Variants in KIF24 observed in about 807,000 individuals in gnomAD.
KIF24 encodes the protein kinesin family member 24.
A neutral mutation model predicts 118.9 loss-of-function variants in KIF24; 81 were observed. That is an observed-to-expected ratio of 0.68 (90% CI 0.57 to 0.82). KIF24 has a LOEUF of 0.82. Among genes scored for constraint, KIF24 ranks in the 40% least tolerant of loss-of-function variants. The pLI, the probability that KIF24 is intolerant of heterozygous loss-of-function variation, is 0.00. For synonymous variants in KIF24, 599 were observed against 610.0 expected (o/e 0.98, Z 0.27); for missense variants, 1,560 against 1,661.6 (o/e 0.94, Z 1.06).
intron 1 of KIF24, among the ~76,000 whole-genome samples, chr9:34,327,220 T>G (rs1837698086): frequency 6.6e-6 from 1 of 152,096 alleles, no homozygotes. Flanking sequence ...GTGTTGAGGA[T>G]CTACACTGTG....
At chr9:34,259,366 CTT>C (rs933417434) in intron 10 of KIF24, among the ~76,000 whole-genome samples, 133 of 152,332 alleles carry the variant, frequency 8.7e-4, no homozygotes, top group African/African-American at 3.0e-3. Flanking sequence ...TCATTTTCCT[CTT>C]GTCATGCTTG....
chr9:34,270,297 A>G (rs968466003), intron 7 of KIF24, among the ~76,000 whole-genome samples: 6 of 151,948 alleles, frequency 3.9e-5, no homozygotes, highest in African/African-American at 1.5e-4. Flanking sequence ...CGGGCGGATC[A>G]TGAGGTCAGG....
At chr9:34,325,057 C>G (rs1408985760) in intron 1 of KIF24, among the ~76,000 whole-genome samples, 1 of 152,066 alleles carries the variant, frequency 6.6e-6, no homozygotes, top group Non-Finnish European at 1.5e-5. Flanking sequence ...ATGTGTCTTG[C>G]CCAGGCAGAG....
At chr9:34,295,720 T>C (rs933502431) in intron 4 of KIF24, among the ~76,000 whole-genome samples, 3 of 151,826 alleles carry the variant, frequency 2.0e-5, no homozygotes, top group Non-Finnish European at 4.4e-5. Flanking sequence ...TTGGTGTGTG[T>C]GGAGATAGGG....
intron 11 of KIF24, 97 bp downstream of exon 11, chr9:34,255,638 C>A (rs1424240547): frequency 4.6e-6 from 5 of 1,097,404 alleles, no homozygotes; most frequent in African/African-American, 3.2e-5. Context: ...ACCTGCGTAC[C>A]CCTGCATGGC....
At chr9:34,284,953 G>A (rs974218278) in intron 6 of KIF24, among the ~76,000 whole-genome samples, 1 of 152,046 alleles carries the variant, frequency 6.6e-6, no homozygotes, top group Admixed American at 6.6e-5. Flanking sequence ...CCAGGGTTGA[G>A]GAACACTGCA....
Position 34,309,487 on chromosome 9 carries a change from G to A in KIF24, c.623+1237C>T, listed in dbSNP as rs532708829. ...ACCCGGGAGGCGGAGCTTGCAGTGA[G>A]CAGAGATTGCACCACTGCACTCCAG... On this transcript the variant is annotated intron_variant, in intron 2 of 12. Coordinates refer to ENST00000402558, the MANE Select transcript of KIF24 (RefSeq NM_194313.4). Among the ~76,000 whole-genome samples, 154 of 144,840 alleles carry A rather than the reference G, an allele frequency of 1.1e-3. 1 individual carries two copies. Among genetic ancestry groups the A allele is most frequent in the Non-Finnish European group, 1.7e-3 (114 of 66,954 alleles).
chr9:34,295,194 T>TGGATAGAC (rs1554664262), intron 4 of KIF24, among the ~76,000 whole-genome samples: 1 of 149,578 alleles, frequency 6.7e-6, no homozygotes, highest in South Asian at 2.1e-4. Flanking sequence ...GATGGATGGA[T>TGGATAGAC]AGACAGACAG....
intron 1 of KIF24, among the ~76,000 whole-genome samples, chr9:34,313,513 A>C: frequency 6.6e-6 from 1 of 150,974 alleles, no homozygotes; most frequent in Non-Finnish European, 1.5e-5. Context: ...TTATTTTTAG[A>C]GATAGGGTCT....
chr9:34,259,994 C>G lies in KIF24; in HGVS notation c.1516-289G>C, dbSNP rs535092497. Among the ~76,000 whole-genome samples the G allele has an allele frequency of 7.2e-5, 11 of 152,236 alleles. No homozygotes were observed. The South Asian group carries it at 2.3e-3, about 32-fold the overall frequency. On this transcript the variant is annotated intron_variant, in intron 9 of 12. Transcript: ENST00000402558. ...GTGAGGGTCCAGGGAAATGAGTACT[C>G]TTCTACGCTAGCATGTACCATGAAC...
intron 8 of KIF24, among the ~76,000 whole-genome samples, chr9:34,264,679 C>A (rs1835221132): frequency 6.6e-6 from 1 of 152,112 alleles, no homozygotes; most frequent in South Asian, 2.1e-4. Flanking sequence ...TGAGAACGAA[C>A]AAGTAATCAA....
chr9:34,308,948 G>A (rs908182625), intron 2 of KIF24, among the ~76,000 whole-genome samples: 3 of 152,108 alleles, frequency 2.0e-5, no homozygotes, highest in Admixed American at 1.3e-4. Flanking sequence ...GGGGACAGTG[G>A]TGCATACCTG....
chr9:34,267,779 A>C (rs756345715), intron 8 of KIF24, among the ~76,000 whole-genome samples: 2 of 152,232 alleles, frequency 1.3e-5, no homozygotes, highest in Non-Finnish European at 2.9e-5. Flanking sequence ...TCAAGTGCTC[A>C]ATTGCCACAT....
intron 3 of KIF24, among the ~76,000 whole-genome samples, chr9:34,300,821 C>G (rs1467207384): frequency 8.0e-6 from 1 of 125,712 alleles, no homozygotes; most frequent in Non-Finnish European, 1.6e-5. Flanking sequence ...CTATAGTTAT[C>G]TATAGATGTG....
intron 1 of KIF24, among the ~76,000 whole-genome samples, 40 bp downstream of exon 1, chr9:34,329,066 C>G (rs912333615): frequency 6.6e-6 from 1 of 152,230 alleles, no homozygotes; most frequent in Non-Finnish European, 1.5e-5. Context: ...CGGTTCCGGA[C>G]CAGACCTACC....
intron 8 of KIF24, 111 bp downstream of exon 8, chr9:34,269,146 A>G (rs928470769): frequency 1.7e-6 from 1 of 576,144 alleles, no homozygotes; most frequent in Admixed American, 3.0e-5. Context: ...TTACTACATA[A>G]GAACAGGGCA....
chr9:34,255,301 T>A (rs1834781746), intron 11 of KIF24, 136 bp from the exon 12 acceptor site: 1 of 620,974 alleles, frequency 1.6e-6, no homozygotes, highest in South Asian at 1.9e-5. Context: ...AAGGCCAGCT[T>A]ACCAACCAGC....
chr9:34,317,262 C>G (rs574137401), intron 1 of KIF24, among the ~76,000 whole-genome samples: 9 of 151,124 alleles, frequency 6.0e-5, no homozygotes, highest in African/African-American at 2.2e-4. Context: ...TGGTGGCACG[C>G]GCCTGTAATC....
Position 34,318,377 on chromosome 9 carries a change from G to C in KIF24, c.-25-7006C>G. 1 of 549,706 alleles carries C rather than the reference G, an allele frequency of 1.8e-6. No homozygotes were observed. Among genetic ancestry groups the C allele is most frequent in the Non-Finnish European group, 3.5e-6 (1 of 289,374 alleles). The allele number at this position is 549,706 out of a possible 1,614,324, so 34.1% of individuals were successfully genotyped here. A position where few individuals can be genotyped will look rare whatever the true frequency, so the allele number is the denominator to read the frequency against. The stretch of plus-strand genomic sequence containing the variant: ...TTGACCTAGCCCTGACAGGTCCATC[G>C]TGGTGCACGCAAACCACCTCCCAGC... On this transcript the variant is annotated intron_variant, in intron 1 of 12. Coordinates refer to ENST00000402558, the MANE Select transcript of KIF24 (RefSeq NM_194313.4). The surrounding 1 kb of genome is among the most constrained non-coding windows in gnomAD (Gnocchi z 4.9).
Sources: allele counts gnomAD v4.1 joint callset (sites outside exome capture counted in the v4.1 genomes callset), GRCh38; gene constraint gnomAD v4.1.1; non-coding constraint Gnocchi (gnomAD v3.1); transcripts MANE v1.5; gene names NCBI Gene and HGNC (gene_info 2026-07-23, HGNC 2026-07-21).